The following HHIPL1 variants were observed in gnomAD, a reference collection of about 807,000 sequenced individuals.
HHIPL1 encodes the protein HHIP like 1.
HHIPL1 carries 43 observed loss-of-function variants against 61.8 expected under a neutral mutation model. The ratio of observed to expected loss-of-function variants is 0.70; its 90% CI spans 0.55 to 0.90. The LOEUF is 0.90. HHIPL1 is among the 40% of genes least tolerant of loss of function. HHIPL1 has a pLI of 0.00. For missense variants in HHIPL1, 1,056 were observed against 1,157.7 expected (o/e 0.91, Z 1.28); for synonymous variants, 482 against 515.8 (o/e 0.93, Z 0.89).
chr14:99,613,720 C>A, the HHIPL1 span, among the ~76,000 whole-genome samples: 1 of 151,928 alleles, frequency 6.6e-6, no homozygotes, highest in South Asian at 2.1e-4. Context: ...ACCAGCCTGG[C>A]CAACATGGTA....
Position 99,657,849 on chromosome 14 carries a change from TACAC to T in HHIPL1, c.1046+710_1046+713del, listed in dbSNP as rs931250830. Among the ~76,000 whole-genome samples, 5 of 151,254 alleles carry T rather than the reference TACAC, an allele frequency of 3.3e-5. No individual in the cohort carries two copies. In the South Asian group the frequency reaches 6.3e-4, roughly 19 times the overall value. ...CACATTCACATATGCACATACCACA[TACAC>T]ACAATACACACACATATACACACAC... On this transcript the variant is annotated intron_variant, in intron 3 of 8. Coordinates refer to ENST00000330710, the MANE Select transcript of HHIPL1 (RefSeq NM_001127258.3).
At chr14:99,627,045 A>T in the HHIPL1 span, among the ~76,000 whole-genome samples, 1 of 152,148 alleles carries the variant, frequency 6.6e-6, no homozygotes, top group East Asian at 1.9e-4. The surrounding 1 kb of genome is among the most constrained non-coding windows in gnomAD (Gnocchi z 4.4). Context: ...GTCAGAGCCC[A>T]GAGCCAGAGC....
At chr14:99,637,174 AAG>A in the HHIPL1 span, among the ~76,000 whole-genome samples, 7,488 of 142,328 alleles carry the variant, frequency 0.053, 471 homozygotes, top group South Asian at 0.088. Context: ...AAGAAAAAGA[AAG>A]AAAGAAAGAA....
intron 6 of HHIPL1, among the ~76,000 whole-genome samples, chr14:99,666,842 G>A (rs1283620215): frequency 6.6e-6 from 1 of 152,190 alleles, no homozygotes; most frequent in Non-Finnish European, 1.5e-5. Context: ...TGGGTTGGGG[G>A]GTCAGGGGCC....
intron 3 of HHIPL1, among the ~76,000 whole-genome samples, chr14:99,657,507 G>T (rs2056068329): frequency 6.6e-6 from 1 of 152,210 alleles, no homozygotes; most frequent in Admixed American, 6.5e-5. Context: ...CTGGAAGAAG[G>T]GAAGGGATGC....
At chr14:99,645,842 A>T (rs1173278469) in intron 1 of HHIPL1, among the ~76,000 whole-genome samples, 2 of 152,076 alleles carry the variant, frequency 1.3e-5, no homozygotes, top group Non-Finnish European at 2.9e-5. Context: ...CAAGGTGGAG[A>T]GGCATCTGTC....
Position 99,660,237 on chromosome 14 carries a change from C to T in HHIPL1, c.1376-43C>T. The T allele has an allele frequency of 6.2e-7, 1 of 1,612,616 alleles. No individual in the cohort carries two copies. The highest frequency in any genetic ancestry group is 1.1e-5 in the South Asian group (1 of 90,940). On this transcript the variant is annotated intron_variant, in intron 4 of 8. Coordinates refer to ENST00000330710, the MANE Select transcript of HHIPL1 (RefSeq NM_001127258.3). The surrounding 1 kb of genome is among the most constrained non-coding windows in gnomAD (Gnocchi z 4.9). The stretch of plus-strand genomic sequence containing the variant: ...GAATTCTCCTGGCTGATGAACCTTC[C>T]CGCCGCTGGCTCACCGAAGCTTCTC...
At chr14:99,610,895 T>C in the HHIPL1 span, among the ~76,000 whole-genome samples, 1 of 152,212 alleles carries the variant, frequency 6.6e-6, no homozygotes, top group Non-Finnish European at 1.5e-5. Context: ...TTCATAGCCA[T>C]ATAGCAAGGT....
the HHIPL1 span, among the ~76,000 whole-genome samples, chr14:99,631,112 C>CTCTT: frequency 7.6e-6 from 1 of 131,696 alleles, no homozygotes; most frequent in Non-Finnish European, 1.6e-5. Context: ...TTCTTTCTCT[C>CTCTT]TCTTTCTTTC....
chr14:99,638,380 G>A, the HHIPL1 span, among the ~76,000 whole-genome samples: 1 of 152,206 alleles, frequency 6.6e-6, no homozygotes, highest in Non-Finnish European at 1.5e-5. Flanking sequence ...GGCCTTCCCA[G>A]TCTTTCTGTA....
chr14:99,620,425 C>A, the HHIPL1 span, among the ~76,000 whole-genome samples: 7 of 152,352 alleles, frequency 4.6e-5, no homozygotes, highest in African/African-American at 1.7e-4. Context: ...GGAGTGCCCT[C>A]CCCCTTTTTC....
chr14:99,638,976 C>T, the HHIPL1 span, among the ~76,000 whole-genome samples: 2 of 152,206 alleles, frequency 1.3e-5, no homozygotes, highest in African/African-American at 4.8e-5. Context: ...AGCATTTGAT[C>T]ATTCATTCAT....
intron 3 of HHIPL1, among the ~76,000 whole-genome samples, chr14:99,658,433 AG>A (rs1024622917): frequency 6.6e-6 from 1 of 152,044 alleles, no homozygotes. Flanking sequence ...ATCGGGTGGG[AG>A]CGTTTCATCA....
At position 99,660,415 on chromosome 14, in the gene HHIPL1, C is replaced by A. The variant is rs1237866428; in HGVS notation, c.1502+9C>A. On this transcript the variant is annotated intron_variant, in intron 5 of 8. Transcript: ENST00000330710. This position sits in a 1 kb window ranked among gnomAD's most constrained non-coding sequence, Gnocchi z 4.9. Reference sequence around the variant, plus strand: ...GGGGATTTCATGAGCGGGTAAGTGACCTAGTGCCCTCGCGCCCCTGGCTGC... The same window carrying A: ...GGGGATTTCATGAGCGGGTAAGTGAACTAGTGCCCTCGCGCCCCTGGCTGC... 3 of 1,608,702 alleles carry A rather than the reference C, an allele frequency of 1.9e-6. No homozygotes were observed. The highest frequency in any genetic ancestry group is 1.3e-5 in the African/African-American group (1 of 74,786).
chr14:99,605,369 A>AGGCGG, the HHIPL1 span, among the ~76,000 whole-genome samples: 22,161 of 76,422 alleles, frequency 0.29, 2,867 homozygotes, highest in Non-Finnish European at 0.45. Flanking sequence ...TACCGCCAGC[A>AGGCGG]GGCGGGGCGG....
At chr14:99,664,913 T>TC (rs200627077) in intron 6 of HHIPL1, among the ~76,000 whole-genome samples, 4,966 of 133,890 alleles carry the variant, frequency 0.037, 279 homozygotes, top group African/African-American at 0.12. Flanking sequence ...CATTTTTTTT[T>TC]TCTTTTTTTT....
In HHIPL1 at chr14:99,668,086, G is replaced by T. The variant is rs568630153; in HGVS notation, c.1649-136G>T. 15 of 706,768 alleles carry T rather than the reference G, an allele frequency of 2.1e-5. No individual in the cohort carries two copies. The highest frequency in any genetic ancestry group is 4.0e-5 in the Non-Finnish European group (15 of 379,120). 43.8% of individuals were successfully genotyped at this position (706,768 alleles called of 1,614,324 possible). A position where few individuals can be genotyped will look rare whatever the true frequency, so the allele number is the denominator to read the frequency against. On this transcript the variant is annotated intron_variant, in intron 6 of 8. Transcript: ENST00000330710. This position sits in a 1 kb window ranked among gnomAD's most constrained non-coding sequence, Gnocchi z 4.7. Reference sequence around the variant, plus strand: ...TCTGGGGACTGGACAGCTAGACTGAGCTGGGATGCCTCACGTGATGGCTAG... The same window carrying T: ...TCTGGGGACTGGACAGCTAGACTGATCTGGGATGCCTCACGTGATGGCTAG...
In HHIPL1 at chr14:99,675,615, C is replaced by G; in HGVS notation, c.2338C>G (p.Pro780Ala). The G allele has an allele frequency of 6.6e-7, 1 of 1,519,928 alleles. No homozygotes were observed. The highest frequency in any genetic ancestry group is 8.8e-7 in the Non-Finnish European group (1 of 1,135,044). The allele number at this position is 1,519,928 out of a possible 1,614,324, so 94.2% of individuals were successfully genotyped here. A position where few individuals can be genotyped will look rare whatever the true frequency, so the allele number is the denominator to read the frequency against. ...DAGVVCSHQN[P>A]DL is the part of the protein sequence containing the mutation. ...GGGCGTCGTGTGCAGCCACCAGAAC[C>G]CCGACCTGTAGGCAACACGCCGCTG... The change falls in exon 9 of 9, where the codon CCC (proline) becomes GCC (alanine). Residue 780 changes from proline (P) to alanine (A), a missense_variant. Transcript: ENST00000330710. The surrounding 1 kb of genome is among the most constrained non-coding windows in gnomAD (Gnocchi z 5.4).
the HHIPL1 span, among the ~76,000 whole-genome samples, chr14:99,617,005 G>T: frequency 6.6e-6 from 1 of 152,278 alleles, no homozygotes; most frequent in East Asian, 1.9e-4. Context: ...GATCACCCAG[G>T]AAGGAGGATC....
Sources: allele counts gnomAD v4.1 joint callset (sites outside exome capture counted in the v4.1 genomes callset), GRCh38; gene constraint gnomAD v4.1.1; non-coding constraint Gnocchi (gnomAD v3.1); transcripts MANE v1.5; gene names NCBI Gene and HGNC (gene_info 2026-07-23, HGNC 2026-07-21).